CDH12: variants seen among roughly 807,000 people sequenced by gnomAD.
CDH12 encodes the protein cadherin 12, also known as cadherin-12.
CDH12 carries 41 observed loss-of-function variants against 74.1 expected under a neutral mutation model. The ratio of observed to expected loss-of-function variants is 0.55; its 90% CI spans 0.43 to 0.72. The LOEUF (loss-of-function observed/expected upper bound fraction) is 0.72. Ranked by LOEUF, CDH12 falls within the 30% of genes least tolerant of loss-of-function variation. The pLI, the probability that CDH12 is intolerant of heterozygous loss-of-function variation, is 0.00. For missense variants in CDH12, 945 were observed against 977.2 expected, an observed-to-expected ratio of 0.97 and a Z score of 0.44; for synonymous variants, 399 against 355.0, an observed-to-expected ratio of 1.12 and a Z score of -1.39.
chr5:22,786,710 TTTTC>T (rs1210291647), intron 1 of CDH12, among the ~76,000 whole-genome samples: 1 of 151,854 alleles, frequency 6.6e-6, no homozygotes. Context: ...TTTTTTTCTT[TTTTC>T]TTTCTGTTTT....
intron 3 of CDH12, among the ~76,000 whole-genome samples, chr5:22,218,031 T>C (rs1194690702): frequency 6.6e-6 from 1 of 151,666 alleles, no homozygotes; most frequent in East Asian, 1.9e-4. Flanking sequence ...TAACAAGTTA[T>C]TTCTACCACT....
chr5:22,155,527 A>G lies in CDH12; in HGVS notation c.-187+56971T>C, dbSNP rs1273745329. On this transcript the variant is annotated intron_variant, in intron 4 of 14. Transcript: ENST00000382254. ...ACCTAATTACAATATTAGATAAAGA[A>G]GAACAATTAAGCCTAGTCTATATGT... 7.9e-5 allele frequency among the ~76,000 whole-genome samples: 12 copies of G among 152,326 alleles called. No homozygotes were observed. The East Asian group carries it at 2.3e-3, about 29-fold the overall frequency.
chr5:21,927,314 G>A (rs192567635), intron 6 of CDH12, among the ~76,000 whole-genome samples: 57 of 152,224 alleles, frequency 3.7e-4, no homozygotes, highest in Admixed American at 9.2e-4. Flanking sequence ...GGCCGGGCAC[G>A]GTGGCTCACG....
chr5:21,870,468 T>C (rs988093467), intron 6 of CDH12, among the ~76,000 whole-genome samples: 3 of 152,108 alleles, frequency 2.0e-5, no homozygotes, highest in African/African-American at 2.4e-5. Flanking sequence ...CCTTCCACCA[T>C]AGGATAGCAC....
At chr5:22,029,542 GCAAAT>G (rs1335464479) in intron 5 of CDH12, among the ~76,000 whole-genome samples, 1 of 151,826 alleles carries the variant, frequency 6.6e-6, no homozygotes, top group African/African-American at 2.4e-5. Flanking sequence ...TCAGAGAAAT[GCAAAT>G]CAAAACCACA....
intron 1 of CDH12, among the ~76,000 whole-genome samples, chr5:22,738,401 T>C (rs933573545): frequency 6.6e-6 from 1 of 152,068 alleles, no homozygotes; most frequent in Non-Finnish European, 1.5e-5. Context: ...ATTGACAATG[T>C]CTGCTTTGTC....
intron 6 of CDH12, among the ~76,000 whole-genome samples, chr5:21,966,158 G>GT (rs71609724): frequency 0.011 from 1,400 of 123,214 alleles, 18 homozygotes; most frequent in African/African-American, 0.027. Context: ...CTATTTTTAC[G>GT]TTTTTTTTTT....
At chr5:21,924,793 C>T (rs1754516071) in intron 6 of CDH12, among the ~76,000 whole-genome samples, 1 of 152,162 alleles carries the variant, frequency 6.6e-6, no homozygotes, top group Non-Finnish European at 1.5e-5. Context: ...AGAACACTTA[C>T]TATCTACAAT....
intron 3 of CDH12, among the ~76,000 whole-genome samples, chr5:22,216,229 T>G (rs1751798365): frequency 6.6e-6 from 1 of 152,056 alleles, no homozygotes; most frequent in Admixed American, 6.5e-5. Context: ...CAGTGTAAAT[T>G]GTGATTGTGA....
intron 1 of CDH12, among the ~76,000 whole-genome samples, chr5:22,612,278 A>G (rs1194525155): frequency 2.6e-5 from 4 of 152,160 alleles, no homozygotes; most frequent in Non-Finnish European, 5.9e-5. Context: ...AAATCTTTAT[A>G]CAGGTTAACA....
chr5:21,774,645 G>C (rs1054992179), intron 11 of CDH12: 6 of 152,090 alleles, frequency 3.9e-5, no homozygotes, highest in African/African-American at 1.4e-4. Flanking sequence ...ATCTTTCTTT[G>C]AGAATACAAA....
At chr5:22,678,053 G>C (rs116337060) in intron 1 of CDH12, among the ~76,000 whole-genome samples, 7,088 of 150,576 alleles carry the variant, frequency 0.047, 239 homozygotes, top group Admixed American at 0.075. Context: ...ATGGGGGGGG[G>C]GGTTAGGATT....
intron 8 of CDH12, among the ~76,000 whole-genome samples, chr5:21,834,021 A>T (rs968878867): frequency 6.6e-6 from 1 of 151,926 alleles, no homozygotes; most frequent in African/African-American, 2.4e-5. Flanking sequence ...TTTATAATGT[A>T]TCTTTGCTTA....
chr5:21,850,077 T>C (rs1442830524), intron 7 of CDH12, among the ~76,000 whole-genome samples: 1 of 151,628 alleles, frequency 6.6e-6, no homozygotes, highest in Non-Finnish European at 1.5e-5. Context: ...TGTGATCTTA[T>C]TTATATGTGG....
rs146845845 is a variant in CDH12, at chr5:21,871,793, T to G, written c.527-17003A>C. 3.5e-3 allele frequency among the ~76,000 whole-genome samples: 538 copies of G among 152,242 alleles called. 4 individuals are homozygous for G. Among genetic ancestry groups the G allele is most frequent in the Non-Finnish European group, 4.4e-3 (297 of 68,018 alleles). On this transcript the variant is annotated intron_variant, in intron 6 of 14. Transcript: ENST00000382254. ...TCAATCTCTGTTCTCCTGCACCACG[T>G]GTAGGGTATGACTTCCGAAAGTGTG...
chr5:22,411,319 C>A (rs541928931), intron 2 of CDH12, among the ~76,000 whole-genome samples: 1 of 151,900 alleles, frequency 6.6e-6, no homozygotes, highest in Admixed American at 6.6e-5. Flanking sequence ...ATACATCAAG[C>A]AGATAGGAAT....
intron 3 of CDH12, among the ~76,000 whole-genome samples, chr5:22,268,278 T>C (rs1162564277): frequency 3.9e-5 from 6 of 152,136 alleles, no homozygotes; most frequent in Admixed American, 2.6e-4. Context: ...TGTGTGTATA[T>C]ATATGTACAT....
chr5:22,789,927 T>G (rs780188), intron 1 of CDH12, among the ~76,000 whole-genome samples: 56,971 of 151,650 alleles, frequency 0.38, 12,295 homozygotes, highest in African/African-American at 0.6. Flanking sequence ...TTCATTTAAA[T>G]TACAGTAAAA....
intron 5 of CDH12, among the ~76,000 whole-genome samples, chr5:22,056,873 A>G (rs1342998484): frequency 6.6e-6 from 1 of 152,166 alleles, no homozygotes; most frequent in Non-Finnish European, 1.5e-5. Flanking sequence ...TCCAAGCCGG[A>G]AAAGAGCCGA....
Sources: gnomAD v4.1 joint callset for allele counts (sites outside exome capture counted in the v4.1 genomes callset) on GRCh38, gnomAD v4.1.1 for gene constraint, MANE v1.5 for transcripts, NCBI Gene and HGNC (gene_info 2026-07-23, HGNC 2026-07-21) for gene names.